Variants in INPP4B observed in about 807,000 individuals in gnomAD.
INPP4B encodes inositol polyphosphate 4-phosphatase type II.
In INPP4B, 55 loss-of-function variants were observed where a neutral mutation model predicts 122.5. The observed-to-expected ratio is 0.45, with a 90% CI of 0.36 to 0.56. INPP4B has a LOEUF of 0.56. INPP4B is among the 20% of genes least tolerant of loss of function. The probability of loss-of-function intolerance (pLI) is 0.00; values close to 1 mark genes in which losing one functional copy is unlikely to be tolerated. For synonymous variants in INPP4B, 403 were observed against 388.7 expected (o/e 1.04, Z -0.43); for missense variants, 1,000 against 1,097.7 (o/e 0.91, Z 1.26).
At chr4:142,589,198 T>C (rs535209343) in intron 2 of INPP4B, among the ~76,000 whole-genome samples, 7 of 152,100 alleles carry the variant, frequency 4.6e-5, no homozygotes, top group African/African-American at 1.4e-4. Flanking sequence ...TAGACCTAAA[T>C]GTAGAATATA....
intron 25 of INPP4B, among the ~76,000 whole-genome samples, chr4:142,074,680 A>G (rs922903542): frequency 6.6e-6 from 1 of 152,146 alleles, no homozygotes; most frequent in African/African-American, 2.4e-5. Context: ...GTCTATTTAT[A>G]CAAGGGAGTA....
At chr4:142,752,377 G>A (rs1404678902) in intron 1 of INPP4B, among the ~76,000 whole-genome samples, 1 of 152,066 alleles carries the variant, frequency 6.6e-6, no homozygotes, top group Non-Finnish European at 1.5e-5. Flanking sequence ...CGGGTCTTCA[G>A]TTTCCCCAAC....
intron 7 of INPP4B, among the ~76,000 whole-genome samples, chr4:142,364,488 A>C (rs1786674694): frequency 6.6e-6 from 1 of 152,038 alleles, no homozygotes; most frequent in South Asian, 2.1e-4. Flanking sequence ...CTAGCATTTC[A>C]GTGATTTCCA....
intron 25 of INPP4B, among the ~76,000 whole-genome samples, chr4:142,030,760 C>G (rs966202161): frequency 6.6e-6 from 1 of 152,162 alleles, no homozygotes; most frequent in African/African-American, 2.4e-5. Flanking sequence ...ATACTCTCTA[C>G]TGGCATTGCA....
chr4:142,804,801 G>A (rs890715424), intron 1 of INPP4B, among the ~76,000 whole-genome samples: 2 of 152,086 alleles, frequency 1.3e-5, no homozygotes, highest in African/African-American at 4.8e-5. Flanking sequence ...CAAGCAGCTG[G>A]GACTACAGGT....
At chr4:142,099,560 GTTAAT>G (rs1393950394) in intron 23 of INPP4B, among the ~76,000 whole-genome samples, 22 of 152,048 alleles carry the variant, frequency 1.4e-4, no homozygotes, top group African/African-American at 5.1e-4. Flanking sequence ...ACATTCATGT[GTTAAT>G]TTAAGAAAAT....
chr4:142,490,816 A>G lies in INPP4B; in HGVS notation c.-190-28090T>C, dbSNP rs539665548. On this transcript the variant is annotated intron_variant, in intron 2 of 25. Coordinates refer to ENST00000262992, the MANE Select transcript of INPP4B (RefSeq NM_001101669.3). Reference sequence around the variant, plus strand: ...ATATAAAAGAGATCATGCATGCAATATTTGTCTTTCTGTGTCTGACTTATT... The same window carrying G: ...ATATAAAAGAGATCATGCATGCAATGTTTGTCTTTCTGTGTCTGACTTATT... Among the ~76,000 whole-genome samples, 4 of 152,212 alleles carry G rather than the reference A, an allele frequency of 2.6e-5. No homozygotes were observed. The East Asian group carries it at 7.7e-4, about 29-fold the overall frequency.
chr4:142,421,600 T>C (rs1345710400), intron 5 of INPP4B, among the ~76,000 whole-genome samples: 2 of 152,148 alleles, frequency 1.3e-5, no homozygotes, highest in African/African-American at 2.4e-5. Flanking sequence ...TATTTTACAG[T>C]GGAATTATAA....
chr4:142,398,445 T>TATATA (rs749321202), intron 7 of INPP4B, among the ~76,000 whole-genome samples: 84 of 74,458 alleles, frequency 1.1e-3, no homozygotes, highest in Non-Finnish European at 1.5e-3. Context: ...TATATATATA[T>TATATA]AAAACATATT....
chr4:142,546,298 T>C (rs972942367), intron 2 of INPP4B, among the ~76,000 whole-genome samples: 6 of 152,208 alleles, frequency 3.9e-5, no homozygotes, highest in Admixed American at 6.5e-5. Flanking sequence ...TAGTATTCCA[T>C]TGTGTATATG....
intron 1 of INPP4B, among the ~76,000 whole-genome samples, chr4:142,769,505 A>G (rs922889882): frequency 2.6e-4 from 39 of 152,200 alleles, no homozygotes; most frequent in African/African-American, 8.2e-4. Context: ...AGACATTAGG[A>G]CCATGGCACA....
chr4:142,741,217 C>T (rs1474681356), intron 1 of INPP4B, among the ~76,000 whole-genome samples: 1 of 152,020 alleles, frequency 6.6e-6, no homozygotes, highest in African/African-American at 2.4e-5. Context: ...GCTTACAGTT[C>T]TGCAGGCTAT....
intron 12 of INPP4B, among the ~76,000 whole-genome samples, chr4:142,230,818 G>A (rs1854011560): frequency 6.6e-6 from 1 of 151,970 alleles, no homozygotes; most frequent in Admixed American, 6.6e-5. Flanking sequence ...ATCTGTAACT[G>A]TGGCTGCAGG....
At chr4:142,047,588 T>G (rs988133186) in intron 25 of INPP4B, among the ~76,000 whole-genome samples, 1 of 151,954 alleles carries the variant, frequency 6.6e-6, no homozygotes, top group Non-Finnish European at 1.5e-5. Flanking sequence ...AGAGTAGAGA[T>G]TATGTGCAGA....
intron 1 of INPP4B, among the ~76,000 whole-genome samples, chr4:142,742,121 A>G (rs529953935): frequency 6.6e-6 from 1 of 152,032 alleles, no homozygotes; most frequent in African/African-American, 2.4e-5. Flanking sequence ...TTCCTTCACC[A>G]AAACAGTAGA....
chr4:142,298,845 A>G (rs2151085478), intron 9 of INPP4B, among the ~76,000 whole-genome samples: 1 of 152,186 alleles, frequency 6.6e-6, no homozygotes, highest in Non-Finnish European at 1.5e-5. Context: ...GCTGTTCCTC[A>G]GTTTGCTTAT....
At chr4:142,037,879 T>C (rs1744948411) in intron 25 of INPP4B, among the ~76,000 whole-genome samples, 1 of 152,170 alleles carries the variant, frequency 6.6e-6, no homozygotes, top group African/African-American at 2.4e-5. Flanking sequence ...GATTCTCAGA[T>C]GTAAAAATGG....
intron 1 of INPP4B, among the ~76,000 whole-genome samples, chr4:142,759,324 C>T (rs1437322512): frequency 6.6e-6 from 1 of 152,102 alleles, no homozygotes; most frequent in Non-Finnish European, 1.5e-5. Flanking sequence ...AGTTTCCTTC[C>T]AAGTTCCAAG....
intron 12 of INPP4B, among the ~76,000 whole-genome samples, chr4:142,236,114 T>C (rs534611934): frequency 6.6e-6 from 1 of 152,318 alleles, no homozygotes; most frequent in South Asian, 2.1e-4. Context: ...ATCTCATGCT[T>C]GTCTACTGAG....
Sources: gnomAD v4.1 joint callset for allele counts (sites outside exome capture counted in the v4.1 genomes callset) on GRCh38, gnomAD v4.1.1 for gene constraint, MANE v1.5 for transcripts, NCBI Gene and HGNC (gene_info 2026-07-23, HGNC 2026-07-21) for gene names.